The following FAM110B variants were observed in gnomAD, a reference collection of about 807,000 sequenced individuals.
FAM110B encodes family with sequence similarity 110 member B.
A neutral mutation model predicts 20.4 loss-of-function variants in FAM110B; 6 were observed. The observed-to-expected ratio is 0.29, with a 90% CI of 0.16 to 0.58. FAM110B has a LOEUF of 0.58. Ranked by LOEUF, FAM110B falls within the 20% of genes least tolerant of loss-of-function variation. The pLI, the probability that FAM110B is intolerant of heterozygous loss-of-function variation, is 0.90. For missense variants in FAM110B, 434 were observed against 498.2 expected, an observed-to-expected ratio of 0.87 and a Z score of 1.23; for synonymous variants, 226 against 214.1, an observed-to-expected ratio of 1.06 and a Z score of -0.49.
chr8:58,027,322 A>G (rs543523850), intron 1 of FAM110B, among the ~76,000 whole-genome samples: 2 of 152,238 alleles, frequency 1.3e-5, no homozygotes, highest in South Asian at 2.1e-4. Context: ...ATTGATTGCT[A>G]TAATCCTTAT....
chr8:58,032,786 G>C (rs1804992746), intron 2 of FAM110B: 1 of 152,148 alleles, frequency 6.6e-6, no homozygotes, highest in Non-Finnish European at 1.5e-5. Context: ...GGACTCGTGT[G>C]GCAAGGTGAA....
At chr8:58,013,165 G>C (rs1272180341) in intron 1 of FAM110B, among the ~76,000 whole-genome samples, 1 of 152,194 alleles carries the variant, frequency 6.6e-6, no homozygotes, top group East Asian at 1.9e-4. Context: ...GCTGAGCTTT[G>C]CTTATCAACA....
At chr8:58,012,090 A>G (rs1335307196) in intron 1 of FAM110B, among the ~76,000 whole-genome samples, 8 of 152,370 alleles carry the variant, frequency 5.3e-5, no homozygotes, top group Admixed American at 6.5e-5. Context: ...TCAAAAACCT[A>G]CAAGGCAAGT....
At chr8:58,119,431 T>C (rs1394554912) in intron 3 of FAM110B, among the ~76,000 whole-genome samples, 2 of 152,140 alleles carry the variant, frequency 1.3e-5, no homozygotes, top group Non-Finnish European at 2.9e-5. Context: ...ACTAATCCTA[T>C]TCATGAGACT....
intron 3 of FAM110B, among the ~76,000 whole-genome samples, chr8:58,144,371 A>G (rs1482569011): frequency 1.3e-5 from 2 of 152,210 alleles, no homozygotes; most frequent in East Asian, 1.9e-4. Context: ...TCAAAGAAAC[A>G]ATCTCATTTC....
chr8:58,020,548 T>A (rs1804730441), intron 1 of FAM110B, among the ~76,000 whole-genome samples: 1 of 152,226 alleles, frequency 6.6e-6, no homozygotes, highest in Non-Finnish European at 1.5e-5. Context: ...GTTCACCTAA[T>A]CAGCCTTTTA....
chr8:58,094,628 A>T (rs373731478), intron 3 of FAM110B, among the ~76,000 whole-genome samples: 1 of 152,108 alleles, frequency 6.6e-6, no homozygotes, highest in African/African-American at 2.4e-5. Context: ...AAGCTTTTTG[A>T]TGTGCTGCCA....
intron 3 of FAM110B, among the ~76,000 whole-genome samples, chr8:58,082,594 A>G (rs1399832830): frequency 6.6e-6 from 1 of 152,198 alleles, no homozygotes; most frequent in East Asian, 1.9e-4. Context: ...TCTCTCTAAT[A>G]GACTATAAGC....
chr8:58,035,787 G>C (rs974125872), intron 2 of FAM110B, among the ~76,000 whole-genome samples: 1 of 152,222 alleles, frequency 6.6e-6, no homozygotes, highest in East Asian at 1.9e-4. Flanking sequence ...TTTGAGTGCA[G>C]TGATAGTGAT....
intron 2 of FAM110B, among the ~76,000 whole-genome samples, chr8:58,049,058 T>G (rs548944658): frequency 6.6e-6 from 1 of 152,280 alleles, no homozygotes; most frequent in East Asian, 1.9e-4. Context: ...ATAATGGTGA[T>G]TATTTTCTTT....
chr8:58,092,816 C>T (rs542748011), intron 3 of FAM110B, among the ~76,000 whole-genome samples: 3 of 152,292 alleles, frequency 2.0e-5, no homozygotes, highest in Non-Finnish European at 2.9e-5. Flanking sequence ...CTTAAGGAAT[C>T]GCCACACTGT....
At chr8:58,013,453 G>T (rs543672125) in intron 1 of FAM110B, among the ~76,000 whole-genome samples, 11 of 152,276 alleles carry the variant, frequency 7.2e-5, no homozygotes, top group African/African-American at 2.6e-4. Context: ...TATTGGAAAG[G>T]CCCTGGTGGG....
chr8:58,044,860 AAGTGAAACAG>A lies in FAM110B; in HGVS notation c.-414+13160_-414+13169del, dbSNP rs1297737167. ...ACAGGGGCAGAATACTTTATGGATG[AAGTGAAACAG>A]AGCCCTCAAACTGTTTTTATCAATT... On this transcript the variant is annotated intron_variant, in intron 2 of 3. Transcript: ENST00000519262. Among the ~76,000 whole-genome samples, 7 of 152,330 alleles carry A rather than the reference AAGTGAAACAG, an allele frequency of 4.6e-5. No homozygotes were observed. The East Asian group carries it at 1.3e-3, about 29-fold the overall frequency.
At position 58,146,326 on chromosome 8, in the gene FAM110B, G is replaced by A. The variant is rs1803862559; in HGVS notation, c.96G>A (p.Lys32=). ...TSAVPLRILN[K]GPDYFRRQAE... ...CTGTGCCCCTGCGCATCCTGAACAA[G>A]GGGCCAGACTACTTCCGCAGGCAGG... is the stretch of plus-strand genomic sequence containing the variant. Residue 32 remains lysine (K), a synonymous_variant, in exon 4 of 4, where the codon AAG becomes AAA. Transcript: ENST00000519262. 1 of 1,614,022 alleles carries A rather than the reference G, an allele frequency of 6.2e-7. No homozygotes were observed. The highest frequency in any genetic ancestry group is 1.7e-5 in the Admixed American group (1 of 60,024).
chr8:58,036,764 T>C (rs1020263797), intron 2 of FAM110B, among the ~76,000 whole-genome samples: 1 of 152,230 alleles, frequency 6.6e-6, no homozygotes, highest in East Asian at 1.9e-4. Context: ...GTTTGCTTCC[T>C]TATTTGCTTT....
At chr8:58,117,284 T>G (rs932205966) in intron 3 of FAM110B, among the ~76,000 whole-genome samples, 10 of 152,308 alleles carry the variant, frequency 6.6e-5, no homozygotes, top group Non-Finnish European at 1.0e-4. Context: ...CACAGATACT[T>G]TATTCTAATT....
At chr8:57,995,175 T>C (rs1215067334) in intron 1 of FAM110B, among the ~76,000 whole-genome samples, 1 of 152,030 alleles carries the variant, frequency 6.6e-6, no homozygotes, top group Non-Finnish European at 1.5e-5. Flanking sequence ...CTGGCCGCGC[T>C]GCGGAGCGGA....
chr8:58,131,197 C>T (rs923648307), intron 3 of FAM110B, among the ~76,000 whole-genome samples: 3 of 152,206 alleles, frequency 2.0e-5, no homozygotes, highest in Non-Finnish European at 4.4e-5. Flanking sequence ...TTTAATCCCC[C>T]TGTTCTCAGC....
chr8:58,078,636 C>T (rs756277790), intron 3 of FAM110B, among the ~76,000 whole-genome samples: 47 of 149,796 alleles, frequency 3.1e-4, no homozygotes, highest in Non-Finnish European at 5.6e-4. Context: ...CTGCAAGCTC[C>T]GCCTTCCAGG....
Sources: allele counts gnomAD v4.1 joint callset (sites outside exome capture counted in the v4.1 genomes callset), GRCh38; gene constraint gnomAD v4.1.1; transcripts MANE v1.5; gene names NCBI Gene and HGNC (gene_info 2026-07-23, HGNC 2026-07-21).